The following MYRIP variants were observed in gnomAD, a reference collection of about 807,000 sequenced individuals.
MYRIP encodes myosin VIIA and Rab interacting protein.
A neutral mutation model predicts 98.0 loss-of-function variants in MYRIP; 49 were observed. The ratio of observed to expected loss-of-function variants is 0.50; its 90% CI spans 0.40 to 0.63. The LOEUF is 0.63. Among genes scored for constraint, MYRIP ranks in the 30% least tolerant of loss-of-function variants. The pLI is 0.00. For synonymous variants in MYRIP, 404 were observed against 409.5 expected, an observed-to-expected ratio of 0.99 and a Z score of 0.16; for missense variants, 1,004 against 1,058.2, an observed-to-expected ratio of 0.95 and a Z score of 0.71.
intron 3 of MYRIP, among the ~76,000 whole-genome samples, chr3:40,147,175 T>A (rs1388604754): frequency 2.6e-5 from 4 of 152,098 alleles, no homozygotes; most frequent in Admixed American, 6.5e-5. Flanking sequence ...CTCCTTACCT[T>A]CTCCTTGGAA....
intron 2 of MYRIP, among the ~76,000 whole-genome samples, chr3:39,948,853 C>T (rs1301007290): frequency 6.6e-6 from 1 of 152,092 alleles, no homozygotes; most frequent in Non-Finnish European, 1.5e-5. Context: ...ATAGACTACT[C>T]TTAGTGAAGC....
chr3:40,003,403 T>C (rs1253404757), intron 2 of MYRIP, among the ~76,000 whole-genome samples: 1 of 152,228 alleles, frequency 6.6e-6, no homozygotes, highest in Non-Finnish European at 1.5e-5. Context: ...GAAGGGACAC[T>C]GAAGATCTAC....
intron 2 of MYRIP, among the ~76,000 whole-genome samples, chr3:39,944,511 G>A (rs986236436): frequency 2.6e-5 from 4 of 152,060 alleles, no homozygotes; most frequent in African/African-American, 9.7e-5. Context: ...GGAGGAGAAA[G>A]AGATATTCTG....
At chr3:40,050,521 T>A (rs574383223) in intron 3 of MYRIP, among the ~76,000 whole-genome samples, 5 of 152,098 alleles carry the variant, frequency 3.3e-5, no homozygotes, top group Non-Finnish European at 7.4e-5. Context: ...TCTGATCACC[T>A]GGGAGCTCTG....
chr3:40,133,992 AG>A (rs1949703833), intron 3 of MYRIP, among the ~76,000 whole-genome samples: 1 of 152,098 alleles, frequency 6.6e-6, no homozygotes, highest in Admixed American at 6.5e-5. Context: ...TTTCCAACTG[AG>A]GTACTGGGTT....
chr3:40,204,918 C>T (rs1485350258), intron 10 of MYRIP, among the ~76,000 whole-genome samples: 1 of 152,146 alleles, frequency 6.6e-6, no homozygotes, highest in African/African-American at 2.4e-5. Context: ...CAATAGAAGC[C>T]AGCACCCCTT....
At chr3:40,018,722 G>A (rs1270652792) in intron 2 of MYRIP, among the ~76,000 whole-genome samples, 1 of 152,088 alleles carries the variant, frequency 6.6e-6, no homozygotes, top group Non-Finnish European at 1.5e-5. Flanking sequence ...CATAGGCCCA[G>A]TAATTATAGC....
At chr3:40,093,472 C>T (rs1355121676) in intron 3 of MYRIP, among the ~76,000 whole-genome samples, 1 of 152,200 alleles carries the variant, frequency 6.6e-6, no homozygotes, top group Non-Finnish European at 1.5e-5. Context: ...CCAGGATGAT[C>T]ATGCCCAGAT....
chr3:39,952,680 A>G (rs1945053034), intron 2 of MYRIP, among the ~76,000 whole-genome samples: 1 of 152,176 alleles, frequency 6.6e-6, no homozygotes, highest in Non-Finnish European at 1.5e-5. Context: ...GTTTTTTCCT[A>G]AACTCTGTTT....
chr3:40,221,157 C>T (rs1952326578), intron 11 of MYRIP, among the ~76,000 whole-genome samples: 1 of 150,822 alleles, frequency 6.6e-6, no homozygotes, highest in Non-Finnish European at 1.5e-5. Context: ...TTGCCCAGAA[C>T]TTGCCATATG....
rs544340126 is a variant in MYRIP at position 39,922,168 on chromosome 3, A to T, written c.110+21242A>T. Among the ~76,000 whole-genome samples, 4 of 152,220 alleles carry T rather than the reference A, an allele frequency of 2.6e-5. No homozygotes were observed. The East Asian group carries it at 5.8e-4, about 22-fold the overall frequency. On this transcript the variant is annotated intron_variant, in intron 2 of 16. Coordinates refer to ENST00000302541, the MANE Select transcript of MYRIP (RefSeq NM_015460.4). ...CTCATATATTTGAGTCTTGAAGGTG[A>T]AAAAGTTGGCAATACCAGTTGTCAC...
At chr3:40,143,538 T>G (rs1949952335) in intron 3 of MYRIP, among the ~76,000 whole-genome samples, 1 of 152,210 alleles carries the variant, frequency 6.6e-6, no homozygotes, top group Non-Finnish European at 1.5e-5. Flanking sequence ...TGACTGAGCC[T>G]TCCCTGGAAG....
chr3:40,216,488 C>T (rs979837411), intron 11 of MYRIP, among the ~76,000 whole-genome samples: 16 of 152,184 alleles, frequency 1.1e-4, no homozygotes, highest in African/African-American at 3.4e-4. Context: ...CTCCTATAAA[C>T]GGAAATGCCA....
At chr3:40,210,253 C>G (rs915820284) in intron 11 of MYRIP, among the ~76,000 whole-genome samples, 160 bp downstream of exon 11, 8 of 152,164 alleles carry the variant, frequency 5.3e-5, no homozygotes, top group South Asian at 4.1e-4. Flanking sequence ...CCCTTCTTAA[C>G]TTGCACTGGG....
At chr3:39,984,107 G>T (rs1276111853) in intron 2 of MYRIP, among the ~76,000 whole-genome samples, 2 of 152,116 alleles carry the variant, frequency 1.3e-5, no homozygotes, top group Non-Finnish European at 2.9e-5. Context: ...TTTATAAAAT[G>T]GTGAGTGGTT....
At chr3:39,887,105 A>C (rs1268960355) in intron 1 of MYRIP, among the ~76,000 whole-genome samples, 1 of 152,052 alleles carries the variant, frequency 6.6e-6, no homozygotes, top group African/African-American at 2.4e-5. Context: ...TACATAACAA[A>C]ATGAAGGCAG....
chr3:40,132,211 T>C (rs549694876), intron 3 of MYRIP, among the ~76,000 whole-genome samples: 2 of 152,204 alleles, frequency 1.3e-5, no homozygotes, highest in South Asian at 2.1e-4. Flanking sequence ...GTTTAGAAAA[T>C]ATGCTGTTGT....
intron 2 of MYRIP, among the ~76,000 whole-genome samples, chr3:39,970,875 C>G (rs1388853146): frequency 6.6e-6 from 1 of 151,852 alleles, no homozygotes; most frequent in African/African-American, 2.4e-5. Context: ...TTGCTTAACC[C>G]TCATATGTTC....
intron 3 of MYRIP, among the ~76,000 whole-genome samples, chr3:40,116,365 C>A (rs1328621862): frequency 6.6e-6 from 1 of 152,184 alleles, no homozygotes; most frequent in East Asian, 1.9e-4. Context: ...CACCTAGCAG[C>A]ATAAGACACA....
Sources: gnomAD v4.1 joint callset for allele counts (sites outside exome capture counted in the v4.1 genomes callset) on GRCh38, gnomAD v4.1.1 for gene constraint, MANE v1.5 for transcripts, NCBI Gene and HGNC (gene_info 2026-07-23, HGNC 2026-07-21) for gene names.